Variants in HDHD5 observed in about 807,000 individuals in gnomAD.
HDHD5 encodes the protein haloacid dehalogenase like hydrolase domain containing 5, also known as haloacid dehalogenase-like hydrolase domain-containing 5.
Under a neutral mutation model 35.5 loss-of-function variants are expected in HDHD5, and 34 were observed. The observed-to-expected ratio is 0.96, with a 90% CI of 0.73 to 1.28. The LOEUF is 1.28. Among genes scored for constraint, HDHD5 ranks in the 50% most tolerant of loss-of-function variants. The pLI is 0.00. For synonymous variants in HDHD5, 248 were observed against 240.6 expected, an observed-to-expected ratio of 1.03 and a Z score of -0.29; for missense variants, 589 against 560.2, an observed-to-expected ratio of 1.05 and a Z score of -0.52.
At chr22:17,161,430 G>A (rs1416600965), upstream of HDHD5, among the ~76,000 whole-genome samples, 1 of 151,378 alleles carries the variant, frequency 6.6e-6, no homozygotes, top group Non-Finnish European at 1.5e-5. Context: ...ATGGTGGTGT[G>A]TGCCTGTAAT....
chr22:17,153,595 C>T (rs974027642), intron 1 of HDHD5, among the ~76,000 whole-genome samples: 3 of 152,204 alleles, frequency 2.0e-5, no homozygotes, highest in African/African-American at 7.2e-5. Flanking sequence ...CATAAATCCC[C>T]TTTAAACACT....
At chr22:17,159,039 C>G in intron 1 of HDHD5, 87 bp downstream of exon 1, 1 of 1,123,902 alleles carries the variant, frequency 8.9e-7, no homozygotes, top group South Asian at 4.4e-5. Context: ...GGGATACCAG[C>G]CCGGCCGCCC....
chr22:17,156,309 TA>T (rs942811027), intron 1 of HDHD5, among the ~76,000 whole-genome samples: 19 of 150,616 alleles, frequency 1.3e-4, no homozygotes, highest in Admixed American at 2.6e-4. Context: ...TAACAAAAGT[TA>T]AAAAAAAAAA....
At position 17,138,365 on chromosome 22, in the gene HDHD5, G is replaced by C. The variant is rs1044734590; in HGVS notation, c.936-8C>G. The C allele has an allele frequency of 1.5e-5, 24 of 1,600,410 alleles. No individual in the cohort carries two copies. Among genetic ancestry groups the C allele is most frequent in the Non-Finnish European group, 2.0e-5 (24 of 1,173,110 alleles). ...TCAGACATAGGGTTATCACTGGCAG[G>C]GGCAGCCACACCGGAAAAGGAAAAA... is the stretch of plus-strand genomic sequence containing the variant. On this transcript the variant is annotated splice_polypyrimidine_tract_variant and splice_region_variant and intron_variant, in intron 7 of 7. Coordinates refer to ENST00000336737, the MANE Select transcript of HDHD5 (RefSeq NM_033070.3).
In HDHD5 at chr22:17,149,731, A is replaced by AT; in HGVS notation, c.140_141insA (p.Phe47LeufsTer85). 2 of 1,614,094 alleles carry AT rather than the reference A, an allele frequency of 1.2e-6. No homozygotes were observed. Among genetic ancestry groups the AT allele is most frequent in the Non-Finnish European group, 1.7e-6 (2 of 1,180,026 alleles). On this transcript the variant is annotated frameshift_variant, in exon 2 of 8. Transcript: ENST00000336737. LOFTEE classifies it high-confidence loss of function. ...CTCCATCGATGTCCAACAGGAACCC[A>AT]AAGGTGGGTGGGCTCTGCAGAGATG...
chr22:17,162,971 C>T (rs1450570304), upstream of HDHD5, among the ~76,000 whole-genome samples: 4 of 152,176 alleles, frequency 2.6e-5, no homozygotes, highest in East Asian at 7.7e-4. Flanking sequence ...ATTTTGATTC[C>T]CAGTCATGTT....
At position 17,140,155 on chromosome 22, in the gene HDHD5, T is replaced by G. The variant is rs746791936; in HGVS notation, c.746+904A>C. On this transcript the variant is annotated intron_variant, in intron 6 of 7. Transcript: ENST00000336737. The stretch of plus-strand genomic sequence containing the variant: ...GTACTGGGCCGTGCCCACCCTCTGC[T>G]GACGAGCACTGTCGACTGGGGGTCA... 1.1e-4 allele frequency among the ~76,000 whole-genome samples: 17 copies of G among 152,342 alleles called. No homozygotes were observed. In the South Asian group the frequency reaches 3.1e-3, roughly 28 times the overall value.
chr22:17,159,609 C>T (rs1259352186), upstream of HDHD5: 2 of 411,428 alleles, frequency 4.9e-6, no homozygotes, highest in Non-Finnish European at 9.6e-6. Flanking sequence ...ACTGTCTGGG[C>T]CGGGGGTCTC....
At chr22:17,164,650 C>T (rs1192460881) in intron 1 of HDHD5, among the ~76,000 whole-genome samples, 1 of 152,206 alleles carries the variant, frequency 6.6e-6, no homozygotes, top group Non-Finnish European at 1.5e-5. Context: ...TACAGGTGCA[C>T]TTCCAAGGAG....
chr22:17,138,693 C>G lies in HDHD5; in HGVS notation c.792G>C (p.Gln264His), dbSNP rs145733852. The change falls in exon 7 of 8, where the codon CAG becomes CAC. Residue 264 changes from glutamine (Q) to histidine (H), a missense_variant. By Grantham distance (24) the Gln-to-His change is conservative (BLOSUM62 0). Coordinates refer to ENST00000336737, the MANE Select transcript of HDHD5 (RefSeq NM_033070.3). ...ATCTCAGCTCCTTGCCCGTCACTTT[C>G]TGGTAAATGGTTTCCAGGCACAGCA... ...TFLLCLETIY[Q>H]KVTGKELRYE... 12 of 1,614,140 alleles carry G rather than the reference C, an allele frequency of 7.4e-6. No homozygotes were observed. The African/African-American group carries it at 1.1e-4, about 14-fold the overall frequency.
chr22:17,159,103 G>A, intron 1 of HDHD5, 23 bp downstream of exon 1: 1 of 1,238,516 alleles, frequency 8.1e-7, no homozygotes, highest in Admixed American at 4.0e-5. Context: ...CGAGTGGCTC[G>A]GCCAGAACCC....
chr22:17,147,318 TTCGA>T (rs2061673059), intron 3 of HDHD5, among the ~76,000 whole-genome samples: 1 of 98,756 alleles, frequency 1.0e-5, no homozygotes. Context: ...CTTACAGGCC[TTCGA>T]TCACACGCCA....
chr22:17,157,078 A>T (rs375991998), intron 1 of HDHD5, among the ~76,000 whole-genome samples: 1,158 of 96,688 alleles, frequency 0.012, 16 homozygotes, highest in African/African-American at 0.05. Context: ...ACACCGTCTC[A>T]CACACATACA....
At chr22:17,139,975 C>T (rs2061581428) in intron 6 of HDHD5, among the ~76,000 whole-genome samples, 1 of 152,038 alleles carries the variant, frequency 6.6e-6, no homozygotes, top group Non-Finnish European at 1.5e-5. Context: ...GAGACATAAC[C>T]AACCAAGCCC....
Position 17,141,238 on chromosome 22 carries a change from A to G in HDHD5, c.572-5T>C, listed in dbSNP as rs1305302226. 1.9e-6 allele frequency: 3 copies of G among 1,588,608 alleles called. No individual in the cohort carries two copies. Among genetic ancestry groups the G allele is most frequent in the Admixed American group, 3.6e-5 (2 of 55,516 alleles). ...GCTCCCCTAGGAGGAGCACCCCTTT[A>G]AAGAACAGAGGCGCAGGTGAGGGCT... On this transcript the variant is annotated splice_region_variant and splice_polypyrimidine_tract_variant and intron_variant, in intron 5 of 7. Coordinates refer to ENST00000336737, the MANE Select transcript of HDHD5 (RefSeq NM_033070.3).
At chr22:17,141,612 C>T (rs2061601892) in intron 5 of HDHD5, 1 of 1,056,128 alleles carries the variant, frequency 9.5e-7, no homozygotes, top group African/African-American at 1.7e-5. Flanking sequence ...CTCTGAGCCC[C>T]AGGGACTGGC....
rs767161718 is a variant in HDHD5, at chr22:17,159,248, C to T, written c.4G>A (p.Ala2Thr). The change falls in exon 1 of 8, where the codon GCT becomes ACT. Residue 2 changes from alanine (A) to threonine (T), a missense_variant. Transcript: ENST00000336737. ...AGCGCAGCCACACAGCCCCACGCAG[C>T]CATCCGGCCGTCGCCGTGCGCACGT... M[A>T]AWGCVAALGA... The T allele has an allele frequency of 1.4e-5, 18 of 1,280,396 alleles. No individual in the cohort carries two copies. The East Asian group carries it at 3.7e-4, about 26-fold the overall frequency. The allele number at this position is 1,280,396 out of a possible 1,614,324, so 79.3% of individuals were successfully genotyped here.
intron 1 of HDHD5, chr22:17,165,137 C>T: frequency 1.4e-6 from 1 of 734,990 alleles, no homozygotes. Flanking sequence ...AGTCATGTTT[C>T]CCTGAAAATG....
Position 17,148,445 on chromosome 22 carries a change from T to C in HDHD5, c.443+3A>G, listed in dbSNP as rs770783431. The C allele has an allele frequency of 6.2e-7, 1 of 1,612,406 alleles. No homozygotes were observed. Among genetic ancestry groups the C allele is most frequent in the South Asian group, 1.1e-5 (1 of 91,052 alleles). On this transcript the variant is annotated splice_donor_region_variant and intron_variant, in intron 3 of 7. Transcript: ENST00000336737. The stretch of plus-strand genomic sequence containing the variant: ...TCAGCCAGAGTTAAGACCAAAAGGA[T>C]ACCCCTGGGCATTTTCCATCACGGG...
Sources: gnomAD v4.1 joint callset for allele counts (sites outside exome capture counted in the v4.1 genomes callset) on GRCh38, gnomAD v4.1.1 for gene constraint, MANE v1.5 for transcripts, NCBI Gene and HGNC (gene_info 2026-07-23, HGNC 2026-07-21) for gene names.